Variants in EDIL3 observed in about 807,000 individuals in gnomAD.
EDIL3 encodes the protein EGF like and discoidin domains 3, also known as EGF-like repeat and discoidin I-like domain-containing protein 3.
A neutral mutation model predicts 67.4 loss-of-function variants in EDIL3; 37 were observed. That is an observed-to-expected ratio of 0.55 (90% CI 0.42 to 0.72). The LOEUF is 0.72. Ranked by LOEUF, EDIL3 falls within the 30% of genes least tolerant of loss-of-function variation. The pLI is 0.00. For missense variants in EDIL3, 527 were observed against 586.3 expected, an observed-to-expected ratio of 0.90 and a Z score of 1.04; for synonymous variants, 195 against 196.3, an observed-to-expected ratio of 0.99 and a Z score of 0.05.
intron 9 of EDIL3, among the ~76,000 whole-genome samples, chr5:83,977,383 C>T (rs1395533568): frequency 6.6e-6 from 1 of 151,820 alleles, no homozygotes; most frequent in African/African-American, 2.4e-5. Flanking sequence ...TCATTGTTCA[C>T]AAGGAAGATT....
chr5:84,095,927 C>T (rs544328774), intron 6 of EDIL3, among the ~76,000 whole-genome samples: 15 of 152,190 alleles, frequency 9.9e-5, no homozygotes, highest in Non-Finnish European at 1.5e-4. Flanking sequence ...CCAGGGTCCC[C>T]GGTGCTGTGT....
In EDIL3 at chr5:84,248,174, G is replaced by A. The variant is rs115625326; in HGVS notation, c.196+5910C>T. On this transcript the variant is annotated intron_variant, in intron 2 of 10. Transcript: ENST00000296591. ...AATTTTTTTCTACAAATTCTTCTAC[G>A]TGCCACAGTCAAGCTCTTTCTCCAC... 4.4e-3 allele frequency among the ~76,000 whole-genome samples: 664 copies of A among 152,016 alleles called. 2 individuals are homozygous for A. The highest frequency in any genetic ancestry group is 0.014 in the African/African-American group (588 of 41,458).
intron 4 of EDIL3, among the ~76,000 whole-genome samples, chr5:84,178,693 A>G (rs1159327009): frequency 6.6e-6 from 1 of 152,198 alleles, no homozygotes; most frequent in Non-Finnish European, 1.5e-5. Context: ...AATAACTGTA[A>G]AGGTCAGGTC....
At chr5:84,003,001 C>T (rs1474531533) in intron 9 of EDIL3, among the ~76,000 whole-genome samples, 1 of 152,142 alleles carries the variant, frequency 6.6e-6, no homozygotes, top group Non-Finnish European at 1.5e-5. Context: ...GGGTGGAGTT[C>T]CTGGAGGCAA....
intron 1 of EDIL3, among the ~76,000 whole-genome samples, chr5:84,261,681 A>C (rs1658381311): frequency 6.6e-6 from 1 of 152,210 alleles, no homozygotes; most frequent in South Asian, 2.1e-4. Flanking sequence ...ACATCCTTGC[A>C]ATAAAAGACC....
At chr5:84,068,934 C>T (rs1234396810) in intron 6 of EDIL3, among the ~76,000 whole-genome samples, 1 of 152,086 alleles carries the variant, frequency 6.6e-6, no homozygotes, top group African/African-American at 2.4e-5. Context: ...TTTGGAAACA[C>T]CTCCACTTAC....
At chr5:84,164,776 T>G (rs1748676268) in intron 4 of EDIL3, among the ~76,000 whole-genome samples, 2 of 152,084 alleles carry the variant, frequency 1.3e-5, no homozygotes, top group African/African-American at 4.8e-5. Flanking sequence ...ATCTTTAAGC[T>G]GCCTGGAGTG....
chr5:84,158,279 C>T (rs1226522729), intron 4 of EDIL3, among the ~76,000 whole-genome samples: 1 of 152,028 alleles, frequency 6.6e-6, no homozygotes, highest in East Asian at 1.9e-4. Context: ...CAATTTACCT[C>T]TTAGCTCTGA....
chr5:84,077,911 T>C (rs1392343808), intron 6 of EDIL3, among the ~76,000 whole-genome samples: 2 of 151,668 alleles, frequency 1.3e-5, no homozygotes, highest in South Asian at 2.1e-4. Context: ...AGGAAATCAA[T>C]AGAAAATGGA....
intron 9 of EDIL3, among the ~76,000 whole-genome samples, chr5:84,040,729 C>A (rs887417212): frequency 6.6e-6 from 1 of 151,906 alleles, no homozygotes; most frequent in Non-Finnish European, 1.5e-5. Context: ...ATACTGGTAC[C>A]ACAGAATTTC....
intron 9 of EDIL3, among the ~76,000 whole-genome samples, chr5:84,000,014 A>C (rs1448023244): frequency 6.6e-6 from 1 of 152,126 alleles, no homozygotes; most frequent in African/African-American, 2.4e-5. Context: ...AAGGAAAAAA[A>C]AAAAAACTTT....
At chr5:84,292,295 T>C (rs1745939591) in intron 1 of EDIL3, among the ~76,000 whole-genome samples, 1 of 152,200 alleles carries the variant, frequency 6.6e-6, no homozygotes, top group Admixed American at 6.5e-5. Context: ...ATGATTTTTT[T>C]TAAATCACAA....
intron 3 of EDIL3, among the ~76,000 whole-genome samples, chr5:84,214,196 A>G (rs555656281): frequency 6.6e-6 from 1 of 152,334 alleles, no homozygotes; most frequent in Admixed American, 6.5e-5. Context: ...AAGCAAAAGT[A>G]ATTTTCTTCT....
intron 3 of EDIL3, among the ~76,000 whole-genome samples, chr5:84,202,553 G>GC (rs920481459): frequency 1.3e-5 from 2 of 152,180 alleles, no homozygotes; most frequent in Non-Finnish European, 2.9e-5. Flanking sequence ...ACAAATGGGT[G>GC]TAGAAGGTAA....
At chr5:84,301,866 T>C (rs767449945) in intron 1 of EDIL3, among the ~76,000 whole-genome samples, 5 of 152,128 alleles carry the variant, frequency 3.3e-5, no homozygotes. Flanking sequence ...TTCACCTAGG[T>C]TCAGATGTTT....
intron 3 of EDIL3, among the ~76,000 whole-genome samples, chr5:84,215,340 A>C (rs1580381222): frequency 6.6e-6 from 1 of 150,968 alleles, no homozygotes; most frequent in Non-Finnish European, 1.5e-5. Context: ...TGCAAGATCC[A>C]CCTCCCGGGT....
chr5:84,062,307 C>T (rs981456369), intron 8 of EDIL3, among the ~76,000 whole-genome samples: 2 of 152,010 alleles, frequency 1.3e-5, no homozygotes, highest in African/African-American at 2.4e-5. Flanking sequence ...GTTCTTTTAT[C>T]CCCATCTTTG....
intron 1 of EDIL3, among the ~76,000 whole-genome samples, chr5:84,349,534 G>T (rs971714167): frequency 2.0e-5 from 3 of 151,824 alleles, no homozygotes; most frequent in African/African-American, 7.3e-5. Context: ...CATAATTGTG[G>T]GCCATTTTGA....
At chr5:84,354,284 T>C (rs1299044312) in intron 1 of EDIL3, among the ~76,000 whole-genome samples, 1 of 152,094 alleles carries the variant, frequency 6.6e-6, no homozygotes, top group Non-Finnish European at 1.5e-5. Flanking sequence ...ATGGTGACAA[T>C]GTCTCTAACT....
Sources: allele counts gnomAD v4.1 joint callset (sites outside exome capture counted in the v4.1 genomes callset), GRCh38; gene constraint gnomAD v4.1.1; transcripts MANE v1.5; gene names NCBI Gene and HGNC (gene_info 2026-07-23, HGNC 2026-07-21).